Variants in ARF4 observed in about 807,000 individuals in gnomAD.
The protein encoded by ARF4 is ADP-ribosylation factor 4.
ARF4 carries 5 observed loss-of-function variants against 24.3 expected under a neutral mutation model. The ratio of observed to expected loss-of-function variants is 0.21; its 90% CI spans 0.11 to 0.43. ARF4 has a LOEUF of 0.43. Ranked by LOEUF, ARF4 falls within the 20% of genes least tolerant of loss-of-function variation. The pLI is 1.00. For missense variants in ARF4, 107 were observed against 213.0 expected, an observed-to-expected ratio of 0.50 and a Z score of 3.10; for synonymous variants, 62 against 73.5, an observed-to-expected ratio of 0.84 and a Z score of 0.80.
chr3:57,579,767 C>T (rs548796079), intron 3 of ARF4, among the ~76,000 whole-genome samples: 11 of 152,206 alleles, frequency 7.2e-5, no homozygotes, highest in South Asian at 2.1e-4. Flanking sequence ...TTATTTTACA[C>T]TGCATCTATA....
At chr3:57,594,893 G>T (rs574909037) in intron 1 of ARF4, among the ~76,000 whole-genome samples, 1 of 152,214 alleles carries the variant, frequency 6.6e-6, no homozygotes, top group African/African-American at 2.4e-5. Flanking sequence ...CTTTTTCCCT[G>T]TTCATGCACA....
intron 1 of ARF4, among the ~76,000 whole-genome samples, chr3:57,589,070 C>T (rs1297968314): frequency 6.6e-6 from 1 of 150,488 alleles, no homozygotes; most frequent in Non-Finnish European, 1.5e-5. Flanking sequence ...CCATTACACT[C>T]CAACCTGGGC....
intron 5 of ARF4, among the ~76,000 whole-genome samples, chr3:57,572,859 G>C (rs185572477): frequency 2.6e-5 from 4 of 152,050 alleles, no homozygotes; most frequent in African/African-American, 9.6e-5. Context: ...TATAACTCTC[G>C]TTTCCCATAA....
chr3:57,579,978 A>G (rs2069950767), intron 3 of ARF4, among the ~76,000 whole-genome samples: 1 of 152,052 alleles, frequency 6.6e-6, no homozygotes, highest in Non-Finnish European at 1.5e-5. Flanking sequence ...GCACATGTCT[A>G]TAGTCCTAGC....
chr3:57,580,274 C>T (rs553353335), intron 3 of ARF4, among the ~76,000 whole-genome samples: 12 of 152,212 alleles, frequency 7.9e-5, no homozygotes, highest in African/African-American at 2.9e-4. Flanking sequence ...AGATTAAATG[C>T]AATCACAGAG....
At chr3:57,575,777 T>C in intron 4 of ARF4, 104 bp from the exon 5 acceptor site, 2 of 1,245,368 alleles carry the variant, frequency 1.6e-6, no homozygotes, top group Non-Finnish European at 2.2e-6. Context: ...TTATTAAACA[T>C]TAACCTAATT....
intron 3 of ARF4, among the ~76,000 whole-genome samples, chr3:57,578,006 G>C (rs992285814): frequency 6.6e-6 from 1 of 151,944 alleles, no homozygotes; most frequent in Non-Finnish European, 1.5e-5. Flanking sequence ...AGCTGAAATC[G>C]CACCACTGCA....
chr3:57,577,054 TAAA>T (rs914986052), intron 4 of ARF4, among the ~76,000 whole-genome samples: 1 of 137,740 alleles, frequency 7.3e-6, no homozygotes, highest in African/African-American at 2.7e-5. Flanking sequence ...TGAGGCATTC[TAAA>T]AAAAAAAAAA....
chr3:57,596,261 G>A (rs1471379383), intron 1 of ARF4, among the ~76,000 whole-genome samples: 1 of 152,112 alleles, frequency 6.6e-6, no homozygotes, highest in Non-Finnish European at 1.5e-5. Context: ...AAAATTCAGC[G>A]TCATGATGTT....
chr3:57,588,323 G>A (rs545569401), intron 1 of ARF4, among the ~76,000 whole-genome samples: 1 of 152,206 alleles, frequency 6.6e-6, no homozygotes, highest in Non-Finnish European at 1.5e-5. Context: ...CTAGCACTTT[G>A]GGAGGCTGAG....
intron 2 of ARF4, 99 bp downstream of exon 2, chr3:57,584,285 T>C: frequency 1.7e-6 from 2 of 1,144,070 alleles, no homozygotes; most frequent in Middle Eastern, 2.9e-4. Context: ...ACTTCTAAGA[T>C]AATCAACATG....
intron 1 of ARF4, among the ~76,000 whole-genome samples, chr3:57,590,583 G>A (rs903703755): frequency 6.6e-6 from 1 of 152,208 alleles, no homozygotes; most frequent in South Asian, 2.1e-4. Flanking sequence ...AGTATTTTCA[G>A]ATGGATAAAA....
chr3:57,573,948 T>G (rs2153408331), intron 5 of ARF4, among the ~76,000 whole-genome samples: 1 of 150,302 alleles, frequency 6.7e-6, no homozygotes, highest in Admixed American at 6.6e-5. Flanking sequence ...TTTTTGTTTG[T>G]TTGTTTGTTT....
Position 57,589,858 on chromosome 3 carries a change from C to T in ARF4, c.68-5394G>A, listed in dbSNP as rs1020760252. On this transcript the variant is annotated intron_variant, in intron 1 of 5. Transcript: ENST00000303436. ...CTGAAATCCCAGCACTTTAGGAGGCCGAGGAGGGTGGATCATGAGGCCAGG... is the reference window on the plus strand; with the variant it reads ...CTGAAATCCCAGCACTTTAGGAGGCTGAGGAGGGTGGATCATGAGGCCAGG... Among the ~76,000 whole-genome samples, 6 of 150,102 alleles carry T rather than the reference C, an allele frequency of 4.0e-5. No individual in the cohort carries two copies. In the South Asian group the frequency reaches 8.4e-4, roughly 21 times the overall value.
At chr3:57,584,930 C>G (rs1217114571) in intron 1 of ARF4, among the ~76,000 whole-genome samples, 1 of 152,164 alleles carries the variant, frequency 6.6e-6, no homozygotes, top group Non-Finnish European at 1.5e-5. Context: ...GTGGCATGAT[C>G]TCAGCTCACT....
intron 3 of ARF4, among the ~76,000 whole-genome samples, chr3:57,579,968 G>A (rs1242884656): frequency 1.3e-5 from 2 of 151,998 alleles, no homozygotes; most frequent in African/African-American, 2.4e-5. Flanking sequence ...GGGCATGGTG[G>A]CACATGTCTA....
chr3:57,584,123 T>C, intron 2 of ARF4, 116 bp from the exon 3 acceptor site: 3 of 777,642 alleles, frequency 3.9e-6, no homozygotes, highest in South Asian at 1.8e-5. Flanking sequence ...TTTTAAAAAA[T>C]ATATTTAAGC....
chr3:57,594,577 T>C (rs2070158933), intron 1 of ARF4, among the ~76,000 whole-genome samples: 1 of 152,234 alleles, frequency 6.6e-6, no homozygotes, highest in South Asian at 2.1e-4. Flanking sequence ...ACTTGAACTT[T>C]TGAAGAACAG....
At chr3:57,587,179 T>G (rs1173161643) in intron 1 of ARF4, among the ~76,000 whole-genome samples, 1 of 151,504 alleles carries the variant, frequency 6.6e-6, no homozygotes, top group African/African-American at 2.4e-5. Context: ...ACTAGCTGGA[T>G]GTGGTGGCAT....
Sources: gnomAD v4.1 joint callset for allele counts (sites outside exome capture counted in the v4.1 genomes callset) on GRCh38, gnomAD v4.1.1 for gene constraint, MANE v1.5 for transcripts, NCBI Gene and HGNC (gene_info 2026-07-23, HGNC 2026-07-21) for gene names.